Variants in WDHD1 observed in about 807,000 individuals in gnomAD.
WDHD1 encodes the protein WD repeat and HMG-box DNA binding protein 1, also known as WD repeat and HMG-box DNA-binding protein 1.
A neutral mutation model predicts 135.4 loss-of-function variants in WDHD1; 111 were observed. That is an observed-to-expected ratio of 0.82 (90% confidence interval 0.70 to 0.96). WDHD1 has a LOEUF of 0.96. Among genes scored for constraint, WDHD1 ranks in the 40% least tolerant of loss-of-function variants. The pLI is 0.00. For synonymous variants in WDHD1, 434 were observed against 439.0 expected (o/e 0.99, Z 0.14); for missense variants, 1,351 against 1,336.3 (o/e 1.01, Z -0.17).
At chr14:54,996,781 C>T (rs1258629529) in intron 10 of WDHD1, among the ~76,000 whole-genome samples, 3 of 151,982 alleles carry the variant, frequency 2.0e-5, no homozygotes, top group Non-Finnish European at 2.9e-5. Context: ...ACATCATAAA[C>T]TTTTTATTTT....
In WDHD1 at chr14:54,984,745, T is replaced by A; in HGVS notation, c.1884A>T (p.Ala628=). 6.2e-7 allele frequency: 1 copy of A among 1,613,198 alleles called. No homozygotes were observed. Among genetic ancestry groups the A allele is most frequent in the Non-Finnish European group, 8.5e-7 (1 of 1,179,770 alleles). The change falls in exon 15 of 26, where the codon GCA becomes GCT. Residue 628 remains alanine, a synonymous_variant. Transcript: ENST00000360586. ...TGCCTTCAGCTGAAAACCCAATCCATGCAAGGTAGGATTTCCTTGTAAGAG... is the reference window on the plus strand; with the variant it reads ...TGCCTTCAGCTGAAAACCCAATCCAAGCAAGGTAGGATTTCCTTGTAAGAG... ...PLPLTRKSYL[A]WIGFSAEGTP...
intron 12 of WDHD1, among the ~76,000 whole-genome samples, chr14:54,989,663 A>T (rs1035180910): frequency 2.8e-5 from 4 of 144,576 alleles, no homozygotes; most frequent in Non-Finnish European, 4.6e-5. Context: ...AGAAAACATA[A>T]TTTTTTTTTT....
rs780761652 is a variant in WDHD1 at position 54,963,153 on chromosome 14, C to T, written c.2330G>A (p.Arg777Gln). 2.8e-5 allele frequency: 43 copies of T among 1,516,834 alleles called. No individual in the cohort carries two copies. Among genetic ancestry groups the T allele is most frequent in the Admixed American group, 5.6e-5 (3 of 53,132 alleles). The allele number at this position is 1,516,834 out of a possible 1,614,324, so 94.0% of individuals were successfully genotyped here. The stretch of plus-strand genomic sequence containing the variant: ...AGCAAGTTCCACACAACGGAATTCT[C>T]GCTCCAGTTTACAAGAAAGCTAATC... The part of the protein sequence containing the change: ...KMLALSCKLE[R>Q]EFRCVELADL... The change falls in exon 19 of 26, where the codon CGA (arginine) becomes CAA (glutamine). Residue 777 changes from arginine to glutamine, a missense_variant. Coordinates refer to ENST00000360586, the MANE Select transcript of WDHD1 (RefSeq NM_007086.4).
chr14:55,019,923 ACTT>A (rs1272203660), intron 2 of WDHD1, among the ~76,000 whole-genome samples: 2 of 152,126 alleles, frequency 1.3e-5, no homozygotes, highest in Non-Finnish European at 2.9e-5. Context: ...TTATATCAAG[ACTT>A]CATCAGCTTT....
intron 10 of WDHD1, among the ~76,000 whole-genome samples, 151 bp downstream of exon 10, chr14:55,000,349 TAAG>T (rs1184698042): frequency 9.2e-5 from 14 of 152,206 alleles, no homozygotes; most frequent in African/African-American, 3.4e-4. Context: ...GTTGAACAAG[TAAG>T]AAGTTTTCTT....
At chr14:55,024,160 G>A (rs2042394676) in intron 2 of WDHD1, among the ~76,000 whole-genome samples, 2 of 152,120 alleles carry the variant, frequency 1.3e-5, no homozygotes, top group South Asian at 4.1e-4. Flanking sequence ...TCAAATTCAT[G>A]TTAAGGGTCA....
Position 55,026,568 on chromosome 14 carries a change from T to A in WDHD1, c.77+143A>T, listed in dbSNP as rs1354010558. 7.6e-6 allele frequency: 6 copies of A among 791,858 alleles called. No individual in the cohort carries two copies. The Admixed American group carries it at 1.4e-4, about 19-fold the overall frequency. The allele number at this position is 791,858 out of a possible 1,614,324, so 49.1% of individuals were successfully genotyped here. ...CATGACGGCCCGAATCAAACAATAA[T>A]CTAAAGAAATATGTGTGCCATTTTA... is the stretch of plus-strand genomic sequence containing the variant. On this transcript the variant is annotated intron_variant, in intron 2 of 25. Coordinates refer to ENST00000360586, the MANE Select transcript of WDHD1 (RefSeq NM_007086.4).
In WDHD1 at chr14:54,940,021, G is replaced by T. The variant is rs1420453448; in HGVS notation, c.*1469C>A. On this transcript the variant is annotated 3_prime_UTR_variant, in exon 26 of 26. Transcript: ENST00000360586. ...TCAAAATTAGTTTGTATAGTATTCA[G>T]AATCAAACCTAATGACAAAGCAAGA... The T allele has an allele frequency of 1.3e-5, 2 of 152,086 alleles. No homozygotes were observed. Among genetic ancestry groups the T allele is most frequent in the Admixed American group, 6.5e-5 (1 of 15,268 alleles). The allele number at this position is 152,086 out of a possible 1,614,324, so 9.4% of individuals were successfully genotyped here. A position where few individuals can be genotyped will look rare whatever the true frequency, so the allele number is the denominator to read the frequency against.
At chr14:55,026,514 T>C (rs750790135) in intron 2 of WDHD1, among the ~76,000 whole-genome samples, 197 bp downstream of exon 2, 2 of 148,946 alleles carry the variant, frequency 1.3e-5, no homozygotes, top group Non-Finnish European at 3.0e-5. Context: ...GGAAGTACGA[T>C]TATAACTTTG....
intron 16 of WDHD1, among the ~76,000 whole-genome samples, chr14:54,968,953 GATTA>G (rs1174335438): frequency 6.6e-6 from 1 of 152,188 alleles, no homozygotes; most frequent in Admixed American, 6.5e-5. Context: ...GAGATGGGAA[GATTA>G]ATTGAGCTTG....
chr14:54,977,581 GCTA>G (rs962787296), intron 16 of WDHD1, among the ~76,000 whole-genome samples: 1 of 152,044 alleles, frequency 6.6e-6, no homozygotes, highest in African/African-American at 2.4e-5. Flanking sequence ...AGCTACTAGA[GCTA>G]CTATTATTTG....
intron 2 of WDHD1, among the ~76,000 whole-genome samples, chr14:55,017,979 T>C (rs1421165461): frequency 6.6e-6 from 1 of 152,166 alleles, no homozygotes; most frequent in Non-Finnish European, 1.5e-5. Flanking sequence ...CTAGACCTCC[T>C]GGCCTCAAGC....
At chr14:54,978,487 A>T (rs1320581846) in intron 16 of WDHD1, among the ~76,000 whole-genome samples, 1 of 152,010 alleles carries the variant, frequency 6.6e-6, no homozygotes, top group Non-Finnish European at 1.5e-5. Flanking sequence ...CAGGAGACTG[A>T]GGTGCCAGGA....
intron 10 of WDHD1, among the ~76,000 whole-genome samples, chr14:54,998,794 T>C (rs1012719917): frequency 2.0e-5 from 3 of 152,168 alleles, no homozygotes; most frequent in Non-Finnish European, 4.4e-5. Flanking sequence ...ATATCCTCCT[T>C]GTGGTTCAAT....
intron 2 of WDHD1, among the ~76,000 whole-genome samples, chr14:55,023,516 G>A (rs1051997624): frequency 1.3e-5 from 2 of 152,166 alleles, no homozygotes; most frequent in Non-Finnish European, 2.9e-5. Flanking sequence ...TTAATGTCAT[G>A]ACTTTTGTCT....
chr14:55,021,668 G>C (rs888157254), intron 2 of WDHD1, among the ~76,000 whole-genome samples: 6 of 152,134 alleles, frequency 3.9e-5, no homozygotes, highest in African/African-American at 1.4e-4. Flanking sequence ...TTACAGGTGT[G>C]AGCCACCGCG....
chr14:54,947,290 A>C (rs1158261119), intron 24 of WDHD1, among the ~76,000 whole-genome samples: 1 of 152,166 alleles, frequency 6.6e-6, no homozygotes, highest in African/African-American at 2.4e-5. Flanking sequence ...GTGAGCCGAG[A>C]TTGTGCCATT....
chr14:54,995,963 G>T, intron 10 of WDHD1, 150 bp from the exon 11 acceptor site: 1 of 602,488 alleles, frequency 1.7e-6, no homozygotes, highest in Non-Finnish European at 2.8e-6. Context: ...ATGTATTTAT[G>T]AGAATTGTAT....
chr14:54,981,463 A>T (rs1237228086), intron 16 of WDHD1, 77 bp downstream of exon 16: 3 of 1,389,066 alleles, frequency 2.2e-6, no homozygotes, highest in Non-Finnish European at 2.0e-6. Flanking sequence ...AGACAAATAC[A>T]CTTAAAGGGC....
Sources: gnomAD v4.1 joint callset for allele counts (sites outside exome capture counted in the v4.1 genomes callset) on GRCh38, gnomAD v4.1.1 for gene constraint, MANE v1.5 for transcripts, NCBI Gene and HGNC (gene_info 2026-07-23, HGNC 2026-07-21) for gene names.